Variants in POU6F2 observed in about 807,000 individuals in gnomAD.
The protein encoded by POU6F2 is POU domain, class 6, transcription factor 2.
In POU6F2, 31 loss-of-function variants were observed where a neutral mutation model predicts 71.3. That is an observed-to-expected ratio of 0.43 (90% CI 0.33 to 0.59). The LOEUF (loss-of-function observed/expected upper bound fraction) is 0.59. POU6F2 is among the 20% of genes least tolerant of loss of function. The pLI, the probability that POU6F2 is intolerant of heterozygous loss-of-function variation, is 0.04. For synonymous variants in POU6F2, 347 were observed against 355.7 expected (o/e 0.98, Z 0.27); for missense variants, 783 against 856.8 (o/e 0.91, Z 1.07).
At chr7:39,283,956 C>G (rs1304631017) in intron 4 of POU6F2, among the ~76,000 whole-genome samples, 1 of 152,084 alleles carries the variant, frequency 6.6e-6, no homozygotes, top group Admixed American at 6.6e-5. Context: ...AACGCTTAAA[C>G]CATTTAAGTG....
Position 39,406,711 on chromosome 7 carries a change from G to A in POU6F2, c.1084G>A (p.Gly362Ser). ...CCTCTCCAGTCTTCAGGGGGTCACA[G>A]GTCAACTAGTTACTAATGCACAAGG... The part of the protein sequence containing the change: ...NALSSLQGVT[G>S]QLVTNAQGQI... The change falls in exon 6 of 10, where the codon GGT becomes AGT. Residue 362 changes from glycine (G) to serine (S), a missense_variant. Gly to Ser is a moderately conservative substitution (Grantham distance 56). Transcript: ENST00000518318. The A allele has an allele frequency of 1.9e-6, 3 of 1,613,726 alleles. No individual in the cohort carries two copies. The highest frequency in any genetic ancestry group is 2.5e-6 in the Non-Finnish European group (3 of 1,179,872).
At chr7:39,402,405 A>T (rs989676915) in intron 5 of POU6F2, among the ~76,000 whole-genome samples, 1 of 148,024 alleles carries the variant, frequency 6.8e-6, no homozygotes, top group Non-Finnish European at 1.5e-5. Flanking sequence ...TCCTAAAGGA[A>T]TTTTTTTTTT....
chr7:39,104,517 T>G (rs1791636593), intron 2 of POU6F2, among the ~76,000 whole-genome samples: 1 of 152,138 alleles, frequency 6.6e-6, no homozygotes, highest in Non-Finnish European at 1.5e-5. Flanking sequence ...CACAATATGG[T>G]GGCTGGGTTC....
intron 6 of POU6F2, among the ~76,000 whole-genome samples, chr7:39,430,882 A>G (rs1049301959): frequency 2.6e-5 from 4 of 152,180 alleles, no homozygotes; most frequent in Admixed American, 6.5e-5. Flanking sequence ...GCCAGAGTGG[A>G]TGGGTCAGTG....
At chr7:39,258,824 C>T (rs952548340) in intron 4 of POU6F2, among the ~76,000 whole-genome samples, 4 of 151,706 alleles carry the variant, frequency 2.6e-5, no homozygotes, top group Non-Finnish European at 5.9e-5. Context: ...GCTCATTTCA[C>T]GTGACAAAGA....
intron 1 of POU6F2, among the ~76,000 whole-genome samples, chr7:39,037,202 C>G (rs1414133313): frequency 6.6e-6 from 1 of 151,914 alleles, no homozygotes. Flanking sequence ...ATGGAAAAAC[C>G]CTTAATCTCC....
At chr7:39,074,988 G>A (rs749390215) in intron 1 of POU6F2, among the ~76,000 whole-genome samples, 13 of 152,124 alleles carry the variant, frequency 8.5e-5, no homozygotes, top group Admixed American at 6.5e-5. Context: ...GTGCCCTTCA[G>A]TGAGTAGAAG....
intron 5 of POU6F2, among the ~76,000 whole-genome samples, chr7:39,369,246 C>A (rs1163277861): frequency 1.2e-4 from 18 of 152,216 alleles, no homozygotes; most frequent in Admixed American, 1.2e-3. Flanking sequence ...GCCAGCCCAA[C>A]CTCCAGCAAC....
At chr7:39,293,905 G>A (rs1784806277) in intron 4 of POU6F2, among the ~76,000 whole-genome samples, 2 of 152,192 alleles carry the variant, frequency 1.3e-5, no homozygotes, top group South Asian at 2.1e-4. Context: ...TGGCCTGAGT[G>A]ATCAGCGAAG....
intron 2 of POU6F2, among the ~76,000 whole-genome samples, chr7:39,122,083 C>T (rs1230720928): frequency 2.0e-5 from 3 of 152,214 alleles, no homozygotes; most frequent in Non-Finnish European, 4.4e-5. Flanking sequence ...ATGCCATTTC[C>T]ATTCTCACAC....
intron 5 of POU6F2, among the ~76,000 whole-genome samples, chr7:39,392,679 G>A (rs1787097058): frequency 2.0e-5 from 3 of 152,152 alleles, no homozygotes; most frequent in Non-Finnish European, 2.9e-5. Flanking sequence ...TGAGAACCAC[G>A]GATGTAGTTC....
At chr7:39,323,505 C>A (rs1785442004) in intron 4 of POU6F2, among the ~76,000 whole-genome samples, 1 of 152,130 alleles carries the variant, frequency 6.6e-6, no homozygotes, top group African/African-American at 2.4e-5. Flanking sequence ...TGGCCATGCA[C>A]CATCAGCTTC....
chr7:39,363,883 A>G (rs1286124768), intron 5 of POU6F2, among the ~76,000 whole-genome samples: 1 of 152,136 alleles, frequency 6.6e-6, no homozygotes, highest in Non-Finnish European at 1.5e-5. Context: ...GGATTCAAAA[A>G]GAAATAAAAG....
chr7:39,211,205 G>A (rs1204111195), intron 4 of POU6F2, among the ~76,000 whole-genome samples: 1 of 152,116 alleles, frequency 6.6e-6, no homozygotes, highest in Non-Finnish European at 1.5e-5. Context: ...AACTTGGTGG[G>A]TTGGGAGGAA....
chr7:39,363,563 C>T (rs1039601563), intron 5 of POU6F2, among the ~76,000 whole-genome samples: 12 of 150,374 alleles, frequency 8.0e-5, no homozygotes, highest in African/African-American at 2.7e-4. Flanking sequence ...ACTTTGAGAG[C>T]GAGCCTGGAT....
intron 2 of POU6F2, among the ~76,000 whole-genome samples, chr7:39,120,322 G>C (rs1584552485): frequency 6.6e-6 from 1 of 152,238 alleles, no homozygotes; most frequent in East Asian, 1.9e-4. Context: ...TGATTCTAAT[G>C]CTGTGTATAA....
intron 5 of POU6F2, among the ~76,000 whole-genome samples, chr7:39,344,816 T>TAC (rs1174091179): frequency 1.1e-4 from 16 of 152,342 alleles, no homozygotes; most frequent in African/African-American, 3.8e-4. Flanking sequence ...TAAAACTGTG[T>TAC]AGAGTTGGGT....
chr7:39,362,507 T>A (rs1198292991), intron 5 of POU6F2, among the ~76,000 whole-genome samples: 1 of 152,158 alleles, frequency 6.6e-6, no homozygotes, highest in East Asian at 1.9e-4. Context: ...AGGGAACTTT[T>A]TTCAGTTTCC....
intron 5 of POU6F2, among the ~76,000 whole-genome samples, chr7:39,365,083 A>T (rs1318444056): frequency 6.6e-6 from 1 of 152,128 alleles, no homozygotes; most frequent in Admixed American, 6.5e-5. Context: ...AGAATTGTCT[A>T]TTCATGCCCT....
Sources: gnomAD v4.1 joint callset for allele counts (sites outside exome capture counted in the v4.1 genomes callset) on GRCh38, gnomAD v4.1.1 for gene constraint, MANE v1.5 for transcripts, NCBI Gene and HGNC (gene_info 2026-07-23, HGNC 2026-07-21) for gene names.